Variants in PTPRK observed in about 807,000 individuals in gnomAD.
The protein encoded by PTPRK is protein tyrosine phosphatase receptor type K, also known as receptor-type tyrosine-protein phosphatase kappa.
PTPRK carries 75 observed loss-of-function variants against 178.0 expected under a neutral mutation model. That is an observed-to-expected ratio of 0.42 (90% CI 0.35 to 0.51). PTPRK has a LOEUF of 0.51. Among genes scored for constraint, PTPRK ranks in the 20% least tolerant of loss-of-function variants. The probability of loss-of-function intolerance (pLI) is 0.02; values close to 1 mark genes in which losing one functional copy is unlikely to be tolerated. For missense variants in PTPRK, 1,441 were observed against 1,797.8 expected, an observed-to-expected ratio of 0.80 and a Z score of 3.59; for synonymous variants, 637 against 620.6, an observed-to-expected ratio of 1.03 and a Z score of -0.39.
At chr6:128,202,403 ATGT>A (rs1806128814) in intron 6 of PTPRK, among the ~76,000 whole-genome samples, 4 of 152,168 alleles carry the variant, frequency 2.6e-5, no homozygotes, top group Admixed American at 2.0e-4. Flanking sequence ...GAGCTGTGTG[ATGT>A]CCCAGCAGAG....
chr6:128,043,805 C>CTT (rs34915940), intron 13 of PTPRK, among the ~76,000 whole-genome samples: 11 of 150,680 alleles, frequency 7.3e-5, no homozygotes, highest in East Asian at 3.9e-4. Context: ...TAGAAGAAAA[C>CTT]TTTTTTTTTA....
At chr6:128,354,229 A>ATGTTTT (rs1269710572) in intron 2 of PTPRK, among the ~76,000 whole-genome samples, 9 of 27,746 alleles carry the variant, frequency 3.2e-4, no homozygotes, top group Non-Finnish European at 3.1e-4. Flanking sequence ...TTTTTTGTTT[A>ATGTTTT]TGTTTTTTTT....
chr6:128,292,742 AC>A (rs772124194), intron 3 of PTPRK, among the ~76,000 whole-genome samples: 1 of 152,162 alleles, frequency 6.6e-6, no homozygotes, highest in East Asian at 1.9e-4. Flanking sequence ...GTTAACTAGT[AC>A]ATTGACATAT....
chr6:128,114,093 G>A (rs943909120), intron 7 of PTPRK, among the ~76,000 whole-genome samples: 1 of 152,050 alleles, frequency 6.6e-6, no homozygotes, highest in Non-Finnish European at 1.5e-5. Context: ...TTACTTAGAG[G>A]TTTGTGGGGT....
chr6:128,480,006 A>C (rs1451654675), intron 1 of PTPRK, among the ~76,000 whole-genome samples: 1 of 151,946 alleles, frequency 6.6e-6, no homozygotes, highest in Non-Finnish European at 1.5e-5. Flanking sequence ...TGCCTTTCCC[A>C]TTTCTCTAAA....
chr6:128,384,182 G>T (rs964816064), intron 2 of PTPRK, among the ~76,000 whole-genome samples: 1 of 151,970 alleles, frequency 6.6e-6, no homozygotes, highest in South Asian at 2.1e-4. Flanking sequence ...TCTCATTCAA[G>T]ACTCACTTTG....
Position 128,397,572 on chromosome 6 carries a change from G to T in PTPRK, c.217C>A (p.Pro73Thr). The T allele has an allele frequency of 6.2e-7, 1 of 1,613,728 alleles. No homozygotes were observed. Among genetic ancestry groups the T allele is most frequent in the Non-Finnish European group, 8.5e-7 (1 of 1,179,880 alleles). The change falls in exon 2 of 30, where the codon CCC (proline) becomes ACC (threonine). Residue 73 changes from proline (P) to threonine (T), a missense_variant. By Grantham distance (38) the Pro-to-Thr change is conservative. This residue lies in a region of PTPRK where 158 missense variants were observed against 188.0 expected (regional missense o/e 0.84). Transcript: ENST00000368226. ...TAAACAGAGTGACTCTCACCTTGGG[G>T]CATCTCGGGTGGTAGATAATGAGGC... is the stretch of plus-strand genomic sequence containing the variant. ...QEPHYLPPEMPQGSYMIVDSS... is the reference protein window; with the variant it reads ...QEPHYLPPEMTQGSYMIVDSS...
At chr6:128,409,258 C>G in intron 1 of PTPRK, 1 of 444,176 alleles carries the variant, frequency 2.3e-6, no homozygotes, top group Non-Finnish European at 4.5e-6. Context: ...GCTATAACTT[C>G]CTATTATTCT....
intron 25 of PTPRK, 122 bp downstream of exon 25, chr6:127,980,994 A>G: frequency 9.9e-7 from 1 of 1,005,682 alleles, no homozygotes; most frequent in Non-Finnish European, 1.4e-6. Flanking sequence ...TGTTTCAATA[A>G]AAGTTTCCAC....
At chr6:128,150,274 T>C (rs1453445536) in intron 7 of PTPRK, among the ~76,000 whole-genome samples, 1 of 152,140 alleles carries the variant, frequency 6.6e-6, no homozygotes, top group Non-Finnish European at 1.5e-5. Flanking sequence ...CATAAAATCA[T>C]TTCTGATTTT....
At chr6:128,440,767 A>AT (rs1167620622) in intron 1 of PTPRK, among the ~76,000 whole-genome samples, 3 of 152,168 alleles carry the variant, frequency 2.0e-5, no homozygotes, top group Admixed American at 6.5e-5. Flanking sequence ...CATTATTTTA[A>AT]TTTTTTTAAC....
chr6:128,068,698 G>T, intron 11 of PTPRK, among the ~76,000 whole-genome samples: 1 of 150,544 alleles, frequency 6.6e-6, no homozygotes. Flanking sequence ...AATTTTTTCA[G>T]GTAAAATATT....
intron 13 of PTPRK, among the ~76,000 whole-genome samples, chr6:128,027,546 T>G (rs1774518281): frequency 6.6e-6 from 1 of 152,134 alleles, no homozygotes; most frequent in Admixed American, 6.5e-5. Context: ...TGCCAAACTC[T>G]TTTAATATAT....
chr6:128,404,630 C>T (rs1374152199), intron 1 of PTPRK, among the ~76,000 whole-genome samples: 1 of 152,168 alleles, frequency 6.6e-6, no homozygotes, highest in Non-Finnish European at 1.5e-5. Context: ...CAAAAATAAG[C>T]CTCTGAGACC....
chr6:128,088,271 G>T (rs1360987600), intron 8 of PTPRK, among the ~76,000 whole-genome samples: 1 of 151,946 alleles, frequency 6.6e-6, no homozygotes, highest in Non-Finnish European at 1.5e-5. Context: ...CCAGCTACTT[G>T]GGAGGCTGAG....
chr6:128,242,416 C>CTCAAAGTTTTAAGCAAAACTCA, intron 4 of PTPRK, 105 bp downstream of exon 4: 1 of 1,440,288 alleles, frequency 6.9e-7, no homozygotes, highest in Admixed American at 2.4e-5. Context: ...CTAACAATAA[C>CTCAAAGTTTTAAGCAAAACTCA]AAGAGAGACA....
intron 13 of PTPRK, among the ~76,000 whole-genome samples, chr6:128,017,654 CCT>C (rs1779724679): frequency 6.7e-6 from 1 of 149,790 alleles, no homozygotes; most frequent in South Asian, 2.1e-4. Context: ...GTATTACCAA[CCT>C]CTCTTTCTGC....
At chr6:128,373,507 T>C (rs990200699) in intron 2 of PTPRK, among the ~76,000 whole-genome samples, 1 of 152,202 alleles carries the variant, frequency 6.6e-6, no homozygotes, top group Non-Finnish European at 1.5e-5. Context: ...GGTGTGGCAT[T>C]AATCCTTTAT....
chr6:128,256,475 G>A (rs556458099), intron 3 of PTPRK, among the ~76,000 whole-genome samples: 1 of 148,512 alleles, frequency 6.7e-6, no homozygotes, highest in Non-Finnish European at 1.5e-5. Context: ...ATGGAGTCTC[G>A]TTCTGTTGCC....
Sources: allele counts gnomAD v4.1 joint callset (sites outside exome capture counted in the v4.1 genomes callset), GRCh38; gene constraint gnomAD v4.1.1; regional missense constraint gnomAD v4.1.1; transcripts MANE v1.5; gene names NCBI Gene and HGNC (gene_info 2026-07-23, HGNC 2026-07-21).